SPRR2G: variants seen among roughly 807,000 people sequenced by gnomAD.
SPRR2G encodes small proline-rich protein 2G.
Under a neutral mutation model 0.7 loss-of-function variants are expected in SPRR2G, and 1 was observed. That is an observed-to-expected ratio of 1.49 (90% CI 0.53 to 7.06). The LOEUF is 7.06. Among genes scored for constraint, SPRR2G ranks in the 30% most tolerant of loss-of-function variants. SPRR2G has a pLI of 0.14. For missense variants in SPRR2G, 96 were observed against 88.5 expected (o/e 1.09, Z -0.34); for synonymous variants, 38 against 33.9 (o/e 1.12, Z -0.42).
chr1:153,152,884 A>G (rs765990516), upstream of SPRR2G, among the ~76,000 whole-genome samples: 2 of 152,202 alleles, frequency 1.3e-5, no homozygotes, highest in Non-Finnish European at 2.9e-5. Flanking sequence ...TATTTGGTTT[A>G]TCATTTATGC....
the SPRR2G span, among the ~76,000 whole-genome samples, chr1:153,161,754 A>G: frequency 6.6e-6 from 1 of 152,248 alleles, no homozygotes; most frequent in African/African-American, 2.4e-5. Flanking sequence ...AACTGTGAAT[A>G]ATCTTAGAAA....
At chr1:153,183,196 C>A in the SPRR2G span, among the ~76,000 whole-genome samples, 5 of 135,284 alleles carry the variant, frequency 3.7e-5, no homozygotes, top group Admixed American at 3.6e-4. Context: ...TGTGTGGTGG[C>A]GCATGCCTGT....
chr1:153,189,173 A>T, the SPRR2G span, among the ~76,000 whole-genome samples: 5 of 152,186 alleles, frequency 3.3e-5, no homozygotes, highest in African/African-American at 9.6e-5. Flanking sequence ...TTTCTTTTAC[A>T]TTTGAAATTT....
the SPRR2G span, among the ~76,000 whole-genome samples, chr1:153,167,249 C>T: frequency 2.0e-5 from 3 of 151,616 alleles, no homozygotes; most frequent in Admixed American, 2.0e-4. Context: ...CCAAGGCAGG[C>T]GGATCACCTG....
At chr1:153,164,675 T>A in the SPRR2G span, among the ~76,000 whole-genome samples, 3 of 152,206 alleles carry the variant, frequency 2.0e-5, no homozygotes, top group Non-Finnish European at 4.4e-5. Flanking sequence ...TTATAATACC[T>A]AATACGATTC....
the SPRR2G span, among the ~76,000 whole-genome samples, chr1:153,189,224 A>G: frequency 1.3e-5 from 2 of 152,056 alleles, no homozygotes; most frequent in Non-Finnish European, 2.9e-5. Context: ...TTTCCATTTT[A>G]CTTCTTTATG....
chr1:153,195,451 A>T, the SPRR2G span, among the ~76,000 whole-genome samples: 227 of 152,232 alleles, frequency 1.5e-3, 1 homozygote, highest in Middle Eastern at 3.4e-3. Flanking sequence ...TGTGGTCAGG[A>T]CCAGTCAGTT....
At chr1:153,163,978 C>T in the SPRR2G span, among the ~76,000 whole-genome samples, 3 of 152,128 alleles carry the variant, frequency 2.0e-5, no homozygotes, top group African/African-American at 7.2e-5. Flanking sequence ...TCTCAGTCCT[C>T]ACCAAATGGT....
chr1:153,180,201 G>A, the SPRR2G span, among the ~76,000 whole-genome samples: 2 of 152,260 alleles, frequency 1.3e-5, no homozygotes, highest in South Asian at 2.1e-4. Context: ...CACAAATGAA[G>A]AAATAACATG....
chr1:153,164,825 A>G, the SPRR2G span, among the ~76,000 whole-genome samples: 34 of 152,210 alleles, frequency 2.2e-4, no homozygotes, highest in Non-Finnish European at 5.9e-5. Context: ...ACAAATGTGG[A>G]ACCCACAGAC....
the SPRR2G span, among the ~76,000 whole-genome samples, chr1:153,165,172 G>GGATA: frequency 0.015 from 2,197 of 151,354 alleles, 25 homozygotes; most frequent in Non-Finnish European, 0.02. Context: ...ATGGATGGAT[G>GGATA]GATGGATGGA....
At chr1:153,159,424 AT>A in the SPRR2G span, among the ~76,000 whole-genome samples, 1 of 152,192 alleles carries the variant, frequency 6.6e-6, no homozygotes, top group Non-Finnish European at 1.5e-5. Flanking sequence ...CTCTATCAGC[AT>A]TTTGGTTAAA....
At chr1:153,164,530 A>G in the SPRR2G span, among the ~76,000 whole-genome samples, 1 of 152,236 alleles carries the variant, frequency 6.6e-6, no homozygotes, top group South Asian at 2.1e-4. Context: ...CTCAGTATCC[A>G]TGGGAGATTT....
upstream of SPRR2G, among the ~76,000 whole-genome samples, chr1:153,151,982 G>A (rs983192861): frequency 2.6e-5 from 4 of 152,136 alleles, no homozygotes; most frequent in Non-Finnish European, 5.9e-5. Context: ...TACATCTACA[G>A]CCACCACTAC....
chr1:153,203,158 C>A, the SPRR2G span, among the ~76,000 whole-genome samples: 1 of 152,174 alleles, frequency 6.6e-6, no homozygotes, highest in Non-Finnish European at 1.5e-5. Flanking sequence ...CATGTGTCAA[C>A]AGTGGGCCAG....
chr1:153,170,116 G>A, the SPRR2G span, among the ~76,000 whole-genome samples: 6 of 152,290 alleles, frequency 3.9e-5, no homozygotes, highest in East Asian at 1.2e-3. Flanking sequence ...GAAAACATAA[G>A]AATCAAAAGA....
At chr1:153,151,314 C>T (rs1384590263), upstream of SPRR2G, among the ~76,000 whole-genome samples, 1 of 152,176 alleles carries the variant, frequency 6.6e-6, no homozygotes, top group Non-Finnish European at 1.5e-5. Context: ...CCCTCAACTG[C>T]AGTTTTTCTT....
the SPRR2G span, among the ~76,000 whole-genome samples, chr1:153,181,933 T>C: frequency 6.6e-6 from 1 of 152,160 alleles, no homozygotes; most frequent in South Asian, 2.1e-4. Context: ...TTCAAATAAA[T>C]ACTTAGTAGT....
At chr1:153,158,304 C>G in the SPRR2G span, among the ~76,000 whole-genome samples, 1 of 152,186 alleles carries the variant, frequency 6.6e-6, no homozygotes, top group South Asian at 2.1e-4. Flanking sequence ...GGTAAATGTT[C>G]CCATTCCAAA....
Sources: allele counts gnomAD v4.1 joint callset (sites outside exome capture counted in the v4.1 genomes callset), GRCh38; gene constraint gnomAD v4.1.1; transcripts MANE v1.5; gene names NCBI Gene and HGNC (gene_info 2026-07-23, HGNC 2026-07-21).